The following RNF126 variants were observed in gnomAD, a reference collection of about 807,000 sequenced individuals.
RNF126 encodes E3 ubiquitin-protein ligase RNF126.
Under a neutral mutation model 41.9 loss-of-function variants are expected in RNF126, and 20 were observed. That is an observed-to-expected ratio of 0.48 (90% CI 0.34 to 0.69). The LOEUF is 0.69. Ranked by LOEUF, RNF126 falls within the 30% of genes least tolerant of loss-of-function variation. The pLI is 0.01. For synonymous variants in RNF126, 239 were observed against 202.9 expected (o/e 1.18, Z -1.51); for missense variants, 433 against 460.6 (o/e 0.94, Z 0.55).
At chr19:652,985 G>A in intron 1 of RNF126, 101 bp from the exon 2 acceptor site, 2 of 1,153,714 alleles carry the variant, frequency 1.7e-6, no homozygotes, top group South Asian at 1.3e-5. Flanking sequence ...GCGGTCTCTG[G>A]CTGGCCAGGC....
At position 652,805 on chromosome 19, in the gene RNF126, T is replaced by C. The variant is rs751428279; in HGVS notation, c.134+21A>G. 9 of 1,611,132 alleles carry C rather than the reference T, an allele frequency of 5.6e-6. 1 individual carries two copies. The highest frequency in any genetic ancestry group is 2.2e-5 in the East Asian group (1 of 44,862). On this transcript the variant is annotated intron_variant, in intron 2 of 8. Coordinates refer to ENST00000292363, the MANE Select transcript of RNF126 (RefSeq NM_194460.3). ...AGGCCCGGCTGGCTCTTCCAGCCTC[T>C]TCAACAGGGGGCTGCATTACCTGGT...
At position 648,364 on chromosome 19, in the gene RNF126, G is replaced by GGGGGGGGGGGGGGGGGGGGC; in HGVS notation, c.786+7_786+8insGCCCCCCCCCCCCCCCCCCC. 1 of 510,492 alleles carries GGGGGGGGGGGGGGGGGGGGC rather than the reference G, an allele frequency of 2.0e-6. No individual in the cohort carries two copies. Among genetic ancestry groups the GGGGGGGGGGGGGGGGGGGGC allele is most frequent in the East Asian group, 6.4e-5 (1 of 15,576 alleles). 31.6% of individuals were successfully genotyped at this position (510,492 alleles called of 1,614,324 possible). Reference sequence around the variant, plus strand: ...CGGGGTGGGGGGGCGGGTGGGCGGGGCACTCACCTGCTCCAGCCAGGGCAC... The same window carrying GGGGGGGGGGGGGGGGGGGGC: ...CGGGGTGGGGGGGCGGGTGGGCGGGGGGGGGGGGGGGGGGGGGGGCCACTCACCTGCTCCAGCCAGGGCAC... On this transcript the variant is annotated splice_region_variant and intron_variant, in intron 8 of 8. Coordinates refer to ENST00000292363, the MANE Select transcript of RNF126 (RefSeq NM_194460.3).
chr19:649,593 C>T lies in RNF126; in HGVS notation c.576+86G>A, dbSNP rs145351023. On this transcript the variant is annotated intron_variant, in intron 6 of 8. Coordinates refer to ENST00000292363, the MANE Select transcript of RNF126 (RefSeq NM_194460.3). ...ATCCCCTTTGACCTTTGTGGGGCTT[C>T]GTGGGTCCAGGCAGTGGGGCAGCTC... The T allele has an allele frequency of 1.2e-3, 1,363 of 1,113,816 alleles. 11 individuals are homozygous for T. In the African/African-American group the frequency reaches 0.013, roughly 11 times the overall value. 69.0% of individuals were successfully genotyped at this position (1,113,816 alleles called of 1,614,324 possible).
Position 647,628 on chromosome 19 carries a change from A to C in RNF126, c.*500T>G, listed in dbSNP as rs895448425. On this transcript the variant is annotated 3_prime_UTR_variant, in exon 9 of 9. Coordinates refer to ENST00000292363, the MANE Select transcript of RNF126 (RefSeq NM_194460.3). ...GTTTTGTTCTTGAATTTTGCTGGTC[A>C]TCCTCATGGTCCCGAGCCCCCCTAC... 4.8e-5 allele frequency: 8 copies of C among 166,146 alleles called. No homozygotes were observed. The South Asian group carries it at 8.0e-4, about 17-fold the overall frequency. 10.3% of individuals were successfully genotyped at this position (166,146 alleles called of 1,614,324 possible).
chr19:656,656 A>G (rs1216421836), intron 1 of RNF126, among the ~76,000 whole-genome samples: 1 of 152,168 alleles, frequency 6.6e-6, no homozygotes, highest in Non-Finnish European at 1.5e-5. Flanking sequence ...AGAAAAAGAA[A>G]AAGAAAAAGG....
chr19:652,182 G>C lies in RNF126; in HGVS notation c.198+51C>G, dbSNP rs566996381. 3.4e-5 allele frequency: 49 copies of C among 1,425,874 alleles called. No homozygotes were observed. The East Asian group carries it at 1.2e-3, about 35-fold the overall frequency. The allele number at this position is 1,425,874 out of a possible 1,614,324, so 88.3% of individuals were successfully genotyped here. On this transcript the variant is annotated intron_variant, in intron 3 of 8. Transcript: ENST00000292363. ...AGGTGGGGACAGGCTGGCGCTCGGG[G>C]CCCCGAGCAAGGCTGACACGATCGG...
At chr19:662,715 G>A (rs1050868524) in intron 1 of RNF126, among the ~76,000 whole-genome samples, 13 of 152,240 alleles carry the variant, frequency 8.5e-5, no homozygotes, top group East Asian at 3.9e-4. Context: ...GGCTCACCGG[G>A]CTTAGGGATC....
chr19:661,806 C>A (rs993022476), intron 1 of RNF126, among the ~76,000 whole-genome samples: 2 of 152,186 alleles, frequency 1.3e-5, no homozygotes, highest in Non-Finnish European at 2.9e-5. Flanking sequence ...ATCCTCAATG[C>A]CTGCAGCCTC....
intron 1 of RNF126, among the ~76,000 whole-genome samples, chr19:662,541 C>A (rs2030849689): frequency 6.6e-6 from 1 of 152,116 alleles, no homozygotes; most frequent in Non-Finnish European, 1.5e-5. Context: ...CGAGGCGAGC[C>A]TGCAGCGAGG....
chr19:652,812 G>A lies in RNF126; in HGVS notation c.134+14C>T, dbSNP rs781039393. On this transcript the variant is annotated intron_variant, in intron 2 of 8. Transcript: ENST00000292363. The stretch of plus-strand genomic sequence containing the variant: ...GCTGGCTCTTCCAGCCTCTTCAACA[G>A]GGGGCTGCATTACCTGGTCTCTTCC... 5 of 1,611,474 alleles carry A rather than the reference G, an allele frequency of 3.1e-6. No homozygotes were observed. Among genetic ancestry groups the A allele is most frequent in the Admixed American group, 3.3e-5 (2 of 59,856 alleles).
chr19:660,284 C>T (rs1344699270), intron 1 of RNF126, among the ~76,000 whole-genome samples: 2 of 152,254 alleles, frequency 1.3e-5, no homozygotes, highest in African/African-American at 4.8e-5. Flanking sequence ...CAAGGCTGCC[C>T]AGCAGAGAAT....
chr19:648,344 T>TGGGAGGGGGGGGGGGGGGGGGGGGGGGGG, intron 8 of RNF126, 28 bp downstream of exon 8: 1 of 288,842 alleles, frequency 3.5e-6, no homozygotes, highest in South Asian at 4.3e-5. Context: ...GCGGTCGGGG[T>TGGGAGGGGGGGGGGGGGGGGGGGGGGGGG]GGGGGGGCGG....
chr19:654,689 G>A (rs980745531), intron 1 of RNF126, among the ~76,000 whole-genome samples: 2 of 145,076 alleles, frequency 1.4e-5, no homozygotes, highest in Non-Finnish European at 3.0e-5. Flanking sequence ...AGTGCTGGCC[G>A]GGCGCGGTGT....
At chr19:661,092 C>T (rs1199355418) in intron 1 of RNF126, among the ~76,000 whole-genome samples, 2 of 152,256 alleles carry the variant, frequency 1.3e-5, no homozygotes, top group Non-Finnish European at 2.9e-5. Flanking sequence ...CCTGTCACCA[C>T]AGAGTTCCTT....
rs771165185 is a variant in RNF126, at chr19:652,775, A to C, written c.134+51T>G. 8 of 1,562,372 alleles carry C rather than the reference A, an allele frequency of 5.1e-6. No individual in the cohort carries two copies. The South Asian group carries it at 9.0e-5, about 18-fold the overall frequency. The stretch of plus-strand genomic sequence containing the variant: ...CCAGCACAGCCCACACCCCTACAAC[A>C]GCTGAGGCCCGGCTGGCTCTTCCAG... On this transcript the variant is annotated intron_variant, in intron 2 of 8. Transcript: ENST00000292363.
intron 4 of RNF126, 169 bp downstream of exon 4, chr19:651,442 G>C: frequency 1.7e-6 from 1 of 579,486 alleles, no homozygotes; most frequent in Non-Finnish European, 2.7e-6. Context: ...TTCTGTCTCC[G>C]AAGGGCCGTG....
chr19:647,961 C>G lies in RNF126; in HGVS notation c.*167G>C, dbSNP rs1305579316. ...CCATGTGGCCCACGCCTTCCCAAGC[C>G]AGGGGGCCGGTGGGCCGGGCCCGGG... On this transcript the variant is annotated 3_prime_UTR_variant, in exon 9 of 9. Coordinates refer to ENST00000292363, the MANE Select transcript of RNF126 (RefSeq NM_194460.3). 1.1e-5 allele frequency: 9 copies of G among 853,854 alleles called. No individual in the cohort carries two copies. The highest frequency in any genetic ancestry group is 3.1e-4 in the Middle Eastern group (1 of 3,274). 52.9% of individuals were successfully genotyped at this position (853,854 alleles called of 1,614,324 possible). A position where few individuals can be genotyped will look rare whatever the true frequency, so the allele number is the denominator to read the frequency against.
At chr19:653,690 C>G (rs535041204) in intron 1 of RNF126, among the ~76,000 whole-genome samples, 1 of 152,372 alleles carries the variant, frequency 6.6e-6, no homozygotes, top group East Asian at 1.9e-4. Flanking sequence ...TGCCTCCCGG[C>G]CTCACCAGGG....
intron 3 of RNF126, 71 bp downstream of exon 3, chr19:652,162 G>A: frequency 2.4e-6 from 3 of 1,266,308 alleles, no homozygotes; most frequent in South Asian, 3.0e-5. Context: ...AGGCGAGGTG[G>A]GGACAGGCTG....
Sources: allele counts gnomAD v4.1 joint callset (sites outside exome capture counted in the v4.1 genomes callset), GRCh38; gene constraint gnomAD v4.1.1; transcripts MANE v1.5; gene names NCBI Gene and HGNC (gene_info 2026-07-23, HGNC 2026-07-21).